SS18L1: variants seen among roughly 807,000 people sequenced by gnomAD.
SS18L1 encodes SS18L1 subunit of BAF chromatin remodeling complex.
A neutral mutation model predicts 70.3 loss-of-function variants in SS18L1; 32 were observed. That is an observed-to-expected ratio of 0.46 (90% confidence interval 0.34 to 0.61). The LOEUF (loss-of-function observed/expected upper bound fraction) is 0.61, where lower values mean the gene tolerates loss of function less well. Ranked by LOEUF, SS18L1 falls within the 20% of genes least tolerant of loss-of-function variation. The pLI is 0.01. For synonymous variants in SS18L1, 237 were observed against 229.7 expected (o/e 1.03, Z -0.29); for missense variants, 430 against 542.1 (o/e 0.79, Z 2.05).
rs576662112 is a variant in SS18L1 at position 62,144,042 on chromosome 20, C to T, written c.69+153C>T. 2.0e-5 allele frequency among the ~76,000 whole-genome samples: 3 copies of T among 148,400 alleles called. No homozygotes were observed. The South Asian group carries it at 6.2e-4, about 31-fold the overall frequency. On this transcript the variant is annotated intron_variant, in intron 1 of 10. Transcript: ENST00000331758. ...CCCGACGGCGGCCCCGTGCCCTTCC[C>T]CGCGTCCCACGCCTGCGCGCCGGCG... is the stretch of plus-strand genomic sequence containing the variant.
At chr20:62,157,130 T>C (rs1222559592) in intron 1 of SS18L1, among the ~76,000 whole-genome samples, 1 of 152,166 alleles carries the variant, frequency 6.6e-6, no homozygotes, top group Non-Finnish European at 1.5e-5. Context: ...CCGGCTCTCC[T>C]GTGCCTGCTC....
chr20:62,161,070 G>A lies in SS18L1; in HGVS notation c.232-366G>A, dbSNP rs1185801334. Among the ~76,000 whole-genome samples, 1 of 151,908 alleles carries A rather than the reference G, an allele frequency of 6.6e-6. No homozygotes were observed. The highest frequency in any genetic ancestry group is 1.9e-4 in the East Asian group (1 of 5,164). On this transcript the variant is annotated intron_variant, in intron 3 of 10. Transcript: ENST00000331758. The surrounding 1 kb of genome is among the most constrained non-coding windows in gnomAD (Gnocchi z 4.4). ...CTTGGCACGGAGGGGTCGTGGTTGGGGAGCACAGAGGCGCTGGTCACCTGC... is the reference window on the plus strand; with the variant it reads ...CTTGGCACGGAGGGGTCGTGGTTGGAGAGCACAGAGGCGCTGGTCACCTGC...
chr20:62,157,390 A>T (rs141896578), intron 1 of SS18L1, among the ~76,000 whole-genome samples: 105 of 152,360 alleles, frequency 6.9e-4, no homozygotes, highest in Non-Finnish European at 1.1e-3. Flanking sequence ...CTGTGGGCCC[A>T]GCCCCCTGCT....
At chr20:62,164,096 A>T (rs965214690) in intron 6 of SS18L1, 49 bp from the exon 7 acceptor site, 62 of 1,507,670 alleles carry the variant, frequency 4.1e-5, no homozygotes, top group Non-Finnish European at 5.6e-5. Flanking sequence ...AGGTCCTCTG[A>T]GGGAGGAGGG....
Position 62,180,881 on chromosome 20 carries a change from G to A in SS18L1, c.*1673G>A, listed in dbSNP as rs908510661. On this transcript the variant is annotated 3_prime_UTR_variant, in exon 11 of 11. Coordinates refer to ENST00000331758, the MANE Select transcript of SS18L1 (RefSeq NM_198935.3). Reference sequence around the variant, plus strand: ...TTGCACCCGAGCCTAGGCAACAAGAGTGAAATTCCGTCTCAAAAAAATAAA... The same window carrying A: ...TTGCACCCGAGCCTAGGCAACAAGAATGAAATTCCGTCTCAAAAAAATAAA... 1 of 170,090 alleles carries A rather than the reference G, an allele frequency of 5.9e-6. No individual in the cohort carries two copies. The highest frequency in any genetic ancestry group is 1.3e-5 in the Non-Finnish European group (1 of 78,378). The allele number at this position is 170,090 out of a possible 1,614,324, so 10.5% of individuals were successfully genotyped here.
chr20:62,163,039 G>A, intron 5 of SS18L1, 108 bp downstream of exon 5: 1 of 1,439,148 alleles, frequency 6.9e-7, no homozygotes, highest in Non-Finnish European at 9.4e-7. Flanking sequence ...CCTGCTGGGT[G>A]CTGGAGGGGA....
chr20:62,155,160 G>A (rs2057200460), intron 1 of SS18L1, among the ~76,000 whole-genome samples: 1 of 152,180 alleles, frequency 6.6e-6, no homozygotes, highest in African/African-American at 2.4e-5. Flanking sequence ...GAGCACTTGG[G>A]GAGGCAGAGG....
chr20:62,151,461 A>T (rs989994298), intron 1 of SS18L1, among the ~76,000 whole-genome samples: 4 of 152,114 alleles, frequency 2.6e-5, no homozygotes, highest in African/African-American at 9.7e-5. Flanking sequence ...GGCCCTGGGC[A>T]TCAGCCAGCC....
chr20:62,160,894 C>T (rs944093980), intron 3 of SS18L1, among the ~76,000 whole-genome samples: 2 of 151,984 alleles, frequency 1.3e-5, no homozygotes, highest in African/African-American at 4.8e-5. Flanking sequence ...GCTGGTTGAC[C>T]TTGATCTGGG....
At chr20:62,164,362 C>G (rs1377499683) in intron 7 of SS18L1, 116 bp downstream of exon 7, 4 of 1,110,628 alleles carry the variant, frequency 3.6e-6, no homozygotes, top group African/African-American at 3.1e-5. Context: ...GTCATTCCAG[C>G]TCAGGCCTGG....
Position 62,161,431 on chromosome 20 carries a change from T to C in SS18L1, c.232-5T>C, listed in dbSNP as rs1251320879. The C allele has an allele frequency of 6.2e-7, 1 of 1,612,850 alleles. No individual in the cohort carries two copies. On this transcript the variant is annotated splice_region_variant and splice_polypyrimidine_tract_variant and intron_variant, in intron 3 of 10. Transcript: ENST00000331758. This position sits in a 1 kb window ranked among gnomAD's most constrained non-coding sequence, Gnocchi z 4.4. ...TTTTCCCTGAAAACTTCCTGTTGCC[T>C]GCAGCCGCCCACGCAGAACATGAAC... is the stretch of plus-strand genomic sequence containing the variant.
At chr20:62,168,456 G>T (rs928371888) in intron 8 of SS18L1, among the ~76,000 whole-genome samples, 1 of 152,146 alleles carries the variant, frequency 6.6e-6, no homozygotes, top group African/African-American at 2.4e-5. Context: ...AGGCTGGGGG[G>T]ACGTTAGGAG....
At position 62,171,773 on chromosome 20, in the gene SS18L1, C is replaced by T. The variant is rs186681050; in HGVS notation, c.917-909C>T. Among the ~76,000 whole-genome samples, 432 of 152,348 alleles carry T rather than the reference C, an allele frequency of 2.8e-3. 1 individual carries two copies. Among genetic ancestry groups the T allele is most frequent in the African/African-American group, 1.0e-2 (415 of 41,578 alleles). ...GTGGCTTACGCCTGTAATCCCAGCA[C>T]TTTGGAAGGCAGGGGCAGCAGGATT... On this transcript the variant is annotated intron_variant, in intron 8 of 10. Coordinates refer to ENST00000331758, the MANE Select transcript of SS18L1 (RefSeq NM_198935.3).
Position 62,159,515 on chromosome 20 carries a change from C to T in SS18L1, c.147-362C>T, listed in dbSNP as rs118132268. Among the ~76,000 whole-genome samples, 4,436 of 152,278 alleles carry T rather than the reference C, an allele frequency of 0.029. 107 individuals are homozygous for T. Among genetic ancestry groups the T allele is most frequent in the Middle Eastern group, 0.061 (18 of 294 alleles). ...CCGCCCACTGCCTGGCTCAGCTGGA[C>T]GAGGGCTCTGTCCCTCTGTCACCTT... On this transcript the variant is annotated intron_variant, in intron 2 of 10. Transcript: ENST00000331758. This position sits in a 1 kb window ranked among gnomAD's most constrained non-coding sequence, Gnocchi z 4.4.
intron 1 of SS18L1, among the ~76,000 whole-genome samples, chr20:62,152,209 G>T (rs1322764451): frequency 1.3e-5 from 2 of 152,174 alleles, no homozygotes; most frequent in African/African-American, 4.8e-5. Context: ...GCCCACGTCG[G>T]TCTTCACCCG....
At chr20:62,173,152 G>A (rs1047787096) in intron 9 of SS18L1, among the ~76,000 whole-genome samples, 1 of 152,204 alleles carries the variant, frequency 6.6e-6, no homozygotes. Flanking sequence ...CCAGTGTCCC[G>A]TGTATCCATC....
In SS18L1 at chr20:62,143,839, T is replaced by C; in HGVS notation, c.19T>C (p.Ser7Pro). The C allele has an allele frequency of 1.5e-6, 2 of 1,333,218 alleles. No homozygotes were observed. The highest frequency in any genetic ancestry group is 2.0e-6 in the Non-Finnish European group (2 of 1,011,736). The allele number at this position is 1,333,218 out of a possible 1,614,324, so 82.6% of individuals were successfully genotyped here. A position where few individuals can be genotyped will look rare whatever the true frequency, so the allele number is the denominator to read the frequency against. The change falls in exon 1 of 11, where the codon TCT becomes CCT. Residue 7 changes from serine to proline, a missense_variant. Coordinates refer to ENST00000331758, the MANE Select transcript of SS18L1 (RefSeq NM_198935.3). ...CGCCACCATGTCCGTGGCCTTCGCG[T>C]CTGCCCGGCCAAGAGGCAAAGGGGA... Reference protein sequence around the residue: MSVAFASARPRGKGEVT... With the variant: MSVAFAPARPRGKGEVT...
chr20:62,172,043 T>C (rs1397743364), intron 8 of SS18L1, among the ~76,000 whole-genome samples: 1 of 151,752 alleles, frequency 6.6e-6, no homozygotes, highest in Non-Finnish European at 1.5e-5. Context: ...GCACCTGTAG[T>C]CCCAGCTACT....
At chr20:62,144,040 C>A in intron 1 of SS18L1, 151 bp downstream of exon 1, 1 of 334,068 alleles carries the variant, frequency 3.0e-6, no homozygotes, top group Non-Finnish European at 4.2e-6. Flanking sequence ...CCGTGCCCTT[C>A]CCCGCGTCCC....
Sources: allele counts gnomAD v4.1 joint callset (sites outside exome capture counted in the v4.1 genomes callset), GRCh38; gene constraint gnomAD v4.1.1; non-coding constraint Gnocchi (gnomAD v3.1); transcripts MANE v1.5; gene names NCBI Gene and HGNC (gene_info 2026-07-23, HGNC 2026-07-21).